Variants in WDR91 observed in about 807,000 individuals in gnomAD.
The protein encoded by WDR91 is WD repeat-containing protein 91.
A neutral mutation model predicts 88.4 loss-of-function variants in WDR91; 52 were observed. That is an observed-to-expected ratio of 0.59 (90% CI 0.47 to 0.74). The LOEUF (loss-of-function observed/expected upper bound fraction) is 0.74. Ranked by LOEUF, WDR91 falls within the 30% of genes least tolerant of loss-of-function variation. WDR91 has a pLI of 0.00. For synonymous variants in WDR91, 362 were observed against 389.5 expected, an observed-to-expected ratio of 0.93 and a Z score of 0.83; for missense variants, 824 against 954.5, an observed-to-expected ratio of 0.86 and a Z score of 1.80.
chr7:135,186,872 C>T (rs1490281711), intron 14 of WDR91, 100 bp downstream of exon 14: 23 of 1,391,306 alleles, frequency 1.7e-5, no homozygotes, highest in South Asian at 6.1e-5. Flanking sequence ...CCATGCAGCT[C>T]GGGGTAGAGG....
In WDR91 at chr7:135,189,360, G is replaced by A. The variant is rs531233739; in HGVS notation, c.1752C>T (p.Gly584=). The stretch of plus-strand genomic sequence containing the variant: ...CTTGCATACCAAACAGCCGGATGAC[G>A]CCATCAGCTGCCCCTGTGACCAGCA... ...GNLLVTGAAD[G]VIRLFDMQQH... Residue 584 remains glycine, a synonymous_variant, in exon 12 of 15, where the codon GGC becomes GGT. Transcript: ENST00000354475. The A allele has an allele frequency of 1.3e-4, 205 of 1,613,630 alleles. 2 individuals carry two copies. The South Asian group carries it at 2.0e-3, about 16-fold the overall frequency.
intron 5 of WDR91, among the ~76,000 whole-genome samples, chr7:135,205,085 C>G (rs940476932): frequency 6.6e-6 from 1 of 152,190 alleles, no homozygotes; most frequent in Non-Finnish European, 1.5e-5. Context: ...TCTTCCTCAC[C>G]TGTGTGTACC....
At position 135,196,242 on chromosome 7, in the gene WDR91, C is replaced by G. The variant is rs1391721766; in HGVS notation, c.1146G>C (p.Ser382=). Residue 382 remains serine, a synonymous_variant, in exon 8 of 15, where the codon TCG becomes TCC. Coordinates refer to ENST00000354475, the MANE Select transcript of WDR91 (RefSeq NM_014149.4). This position sits in a 1 kb window ranked among gnomAD's most constrained non-coding sequence, Gnocchi z 4.2. Reference sequence around the variant, plus strand: ...GGACTCCTCCACCCTCAGGGCCTGCCGAGGATGCCCGAGTCAGTGGCTCCA... The same window carrying G: ...GGACTCCTCCACCCTCAGGGCCTGCGGAGGATGCCCGAGTCAGTGGCTCCA... ...EPVEPLTRAS[S]AGPEGGGVRP... 6.2e-7 allele frequency: 1 copy of G among 1,611,812 alleles called. No homozygotes were observed.
At chr7:135,210,003 A>G (rs1270610942) in intron 1 of WDR91, among the ~76,000 whole-genome samples, 1 of 152,202 alleles carries the variant, frequency 6.6e-6, no homozygotes, top group East Asian at 1.9e-4. Flanking sequence ...CCCAGAACCT[A>G]AGAGATCTGG....
At chr7:135,208,007 A>G (rs1332372836) in intron 3 of WDR91, among the ~76,000 whole-genome samples, 2 of 152,204 alleles carry the variant, frequency 1.3e-5, no homozygotes, top group African/African-American at 4.8e-5. Context: ...CATCTGGGGC[A>G]CAGAAAGGGT....
rs577580973 is a variant in WDR91, at chr7:135,187,131, T to C, written c.1920A>G (p.Val640=). Residue 640 remains valine, a synonymous_variant, in exon 14 of 15, where the codon GTA becomes GTG. Transcript: ENST00000354475. ...CATCTGAGGGGAGGCTGTACTCGGATACCTTGAGGCCACTCTTGTGGATGT... is the reference window on the plus strand; with the variant it reads ...CATCTGAGGGGAGGCTGTACTCGGACACCTTGAGGCCACTCTTGTGGATGT... ...QWNIHKSGLK[V]SEYSLPSDAT... is the part of the protein sequence containing the mutation. 1.2e-5 allele frequency: 19 copies of C among 1,614,224 alleles called. No homozygotes were observed. Among genetic ancestry groups the C allele is most frequent in the East Asian group, 4.5e-5 (2 of 44,884 alleles).
chr7:135,209,125 CAT>C, intron 2 of WDR91, 127 bp from the exon 3 acceptor site: 1 of 720,592 alleles, frequency 1.4e-6, no homozygotes, highest in Non-Finnish European at 2.2e-6. Context: ...AATAAAATTC[CAT>C]AATATAAAGG....
chr7:135,208,678 G>A (rs748696575), intron 3 of WDR91, 113 bp downstream of exon 3: 5 of 951,960 alleles, frequency 5.3e-6, no homozygotes, highest in Non-Finnish European at 7.5e-6. Flanking sequence ...CCATAAAAAT[G>A]GTCCCTGGGC....
At position 135,196,941 on chromosome 7, in the gene WDR91, T is replaced by C. The variant is rs550328051; in HGVS notation, c.1051-604A>G. 6.6e-6 allele frequency: 1 copy of C among 152,308 alleles called. No homozygotes were observed. The highest frequency in any genetic ancestry group is 2.1e-4 in the South Asian group (1 of 4,818). 9.4% of individuals were successfully genotyped at this position (152,308 alleles called of 1,614,324 possible). On this transcript the variant is annotated intron_variant, in intron 7 of 14. Coordinates refer to ENST00000354475, the MANE Select transcript of WDR91 (RefSeq NM_014149.4). This position sits in a 1 kb window ranked among gnomAD's most constrained non-coding sequence, Gnocchi z 4.2. Reference sequence around the variant, plus strand: ...TGAGAAACTAAGAAACAGACACAACTGGCCAGGAAGAAAGACAGAGACCCA... The same window carrying C: ...TGAGAAACTAAGAAACAGACACAACCGGCCAGGAAGAAAGACAGAGACCCA...
intron 1 of WDR91, among the ~76,000 whole-genome samples, chr7:135,210,622 A>G (rs1585446284): frequency 6.6e-6 from 1 of 152,194 alleles, no homozygotes; most frequent in East Asian, 1.9e-4. Flanking sequence ...GGATATCAAT[A>G]CCAATCCAAT....
chr7:135,203,628 G>T (rs1476919369), intron 6 of WDR91, among the ~76,000 whole-genome samples: 1 of 152,178 alleles, frequency 6.6e-6, no homozygotes, highest in African/African-American at 2.4e-5. Context: ...GGTAATTCTT[G>T]ATTTAGTCTT....
At chr7:135,189,981 T>C (rs776620708) in intron 11 of WDR91, among the ~76,000 whole-genome samples, 1 of 152,060 alleles carries the variant, frequency 6.6e-6, no homozygotes, top group South Asian at 2.1e-4. Context: ...CACTAAATAA[T>C]CCTCCTGAAA....
Position 135,196,152 on chromosome 7 carries a change from C to A in WDR91, c.1236G>T (p.Met412Ile). The A allele has an allele frequency of 6.4e-7, 1 of 1,550,712 alleles. No homozygotes were observed. Among genetic ancestry groups the A allele is most frequent in the South Asian group, 1.2e-5 (1 of 82,592 alleles). The change falls in exon 8 of 15, where the codon ATG becomes ATT. Residue 412 changes from methionine (M) to isoleucine (I), a missense_variant. Physicochemically the swap from Met to Ile is conservative, Grantham distance 10. Coordinates refer to ENST00000354475, the MANE Select transcript of WDR91 (RefSeq NM_014149.4). The surrounding 1 kb of genome is among the most constrained non-coding windows in gnomAD (Gnocchi z 4.2). ...EEYGEHHSSI[M>I]HCRVDCSGRR... ...CCCCAGGCCCAACCCACCTGCAGTG[C>A]ATGATGGATGAGTGGTGTTCCCCGT...
chr7:135,207,220 A>G lies in WDR91; in HGVS notation c.512-18T>C. On this transcript the variant is annotated intron_variant, in intron 3 of 14. Transcript: ENST00000354475. ...AGGGACTGGTGCACGAAGTTAAAGA[A>G]TAAGCCAGCCCCTGAAATGTTTAAA... 6.3e-7 allele frequency: 1 copy of G among 1,594,866 alleles called. No homozygotes were observed. Among genetic ancestry groups the G allele is most frequent in the African/African-American group, 1.3e-5 (1 of 74,486 alleles).
chr7:135,203,082 C>G (rs1308578487), intron 6 of WDR91, among the ~76,000 whole-genome samples: 1 of 152,156 alleles, frequency 6.6e-6, no homozygotes, highest in East Asian at 1.9e-4. Flanking sequence ...ATTATCATCC[C>G]GAGCAAACTG....
Position 135,186,303 on chromosome 7 carries a change from C to T in WDR91, c.2092G>A (p.Glu698Lys). 6.2e-7 allele frequency: 1 copy of T among 1,612,278 alleles called. No individual in the cohort carries two copies. ...CTCAAGCAGCTCTCCAGAACCTTCTCATCGCCACCCAGCTGCAAGAGGACA... is the reference window on the plus strand; with the variant it reads ...CTCAAGCAGCTCTCCAGAACCTTCTTATCGCCACCCAGCTGCAAGAGGACA... Reference protein sequence around the residue: ...GGVIYKLGGDEKVLESCLSLG... With the variant: ...GGVIYKLGGDKKVLESCLSLG... The change falls in exon 15 of 15, where the codon GAG becomes AAG. Residue 698 changes from glutamate (E) to lysine (K), a missense_variant. Glu to Lys is a moderately conservative substitution (Grantham distance 56). Transcript: ENST00000354475.
intron 5 of WDR91, 100 bp from the exon 6 acceptor site, chr7:135,204,533 G>A: frequency 6.7e-6 from 9 of 1,340,076 alleles, no homozygotes; most frequent in Non-Finnish European, 9.2e-6. Context: ...AAGTGACCAG[G>A]CCTGGGTCAG....
In WDR91 at chr7:135,196,658, C is replaced by T. The variant is rs955549094; in HGVS notation, c.1051-321G>A. 6.6e-6 allele frequency among the ~76,000 whole-genome samples: 1 copy of T among 152,142 alleles called. No homozygotes were observed. The highest frequency in any genetic ancestry group is 2.1e-4 in the South Asian group (1 of 4,830). ...TTGACAACAGGCCAGGCGGAGGATGCGTGGTGCAGGCCACACACCGCGCTG... is the reference window on the plus strand; with the variant it reads ...TTGACAACAGGCCAGGCGGAGGATGTGTGGTGCAGGCCACACACCGCGCTG... On this transcript the variant is annotated intron_variant, in intron 7 of 14. Transcript: ENST00000354475. The surrounding 1 kb of genome is among the most constrained non-coding windows in gnomAD (Gnocchi z 4.2).
chr7:135,210,621 T>C (rs139713309), intron 1 of WDR91, among the ~76,000 whole-genome samples: 29 of 152,308 alleles, frequency 1.9e-4, no homozygotes, highest in Middle Eastern at 3.4e-3. Flanking sequence ...TGGATATCAA[T>C]ACCAATCCAA....
Sources: allele counts gnomAD v4.1 joint callset (sites outside exome capture counted in the v4.1 genomes callset), GRCh38; gene constraint gnomAD v4.1.1; non-coding constraint Gnocchi (gnomAD v3.1); transcripts MANE v1.5; gene names NCBI Gene and HGNC (gene_info 2026-07-23, HGNC 2026-07-21).